Variants in DROSHA observed in about 807,000 individuals in gnomAD.
DROSHA encodes ribonuclease 3.
Under a neutral mutation model 181.9 loss-of-function variants are expected in DROSHA, and 56 were observed. The ratio of observed to expected loss-of-function variants is 0.31; its 90% CI spans 0.25 to 0.38. The LOEUF (loss-of-function observed/expected upper bound fraction) is 0.38, where lower values mean the gene tolerates loss of function less well. Among genes scored for constraint, DROSHA ranks in the 10% least tolerant of loss-of-function variants. The pLI is 1.00. For missense variants in DROSHA, 1,218 were observed against 1,743.5 expected (o/e 0.70, Z 5.37); for synonymous variants, 524 against 591.2 (o/e 0.89, Z 1.65).
At chr5:31,446,981 A>G (rs1746389783) in intron 23 of DROSHA, among the ~76,000 whole-genome samples, 1 of 152,208 alleles carries the variant, frequency 6.6e-6, no homozygotes, top group South Asian at 2.1e-4. Flanking sequence ...CGGAGGTTGC[A>G]GTGAGCTGAG....
At position 31,405,668 on chromosome 5, in the gene DROSHA, C is replaced by A; in HGVS notation, c.3994+9G>T. 1 of 1,549,378 alleles carries A rather than the reference C, an allele frequency of 6.5e-7. No homozygotes were observed. Among genetic ancestry groups the A allele is most frequent in the South Asian group, 1.2e-5 (1 of 81,292 alleles). ...ATGAACATAATTATAGAAAAAAAAA[C>A]AGGCTTACATTTTTCAAGCGCATCC... On this transcript the variant is annotated intron_variant, in intron 35 of 35. Transcript: ENST00000344624.
intron 5 of DROSHA, among the ~76,000 whole-genome samples, chr5:31,523,932 G>A (rs904274454): frequency 3.1e-4 from 43 of 139,866 alleles, no homozygotes; most frequent in Non-Finnish European, 5.2e-4. Context: ...CCGAGATCGC[G>A]CCATCACACT....
In DROSHA at chr5:31,472,066, C is replaced by T. The variant is rs780840530; in HGVS notation, c.2238G>A (p.Gly746=). Reference sequence around the variant, plus strand: ...ATATACAGACACCAGAACATACCGTCCCAGGGTTGGTAACAATCATGCCTT... The same window carrying T: ...ATATACAGACACCAGAACATACCGTTCCAGGGTTGGTAACAATCATGCCTT... The part of the protein sequence containing the change: ...ECKGMIVTNP[G]TKPSSVRIDQ... Residue 746 remains glycine, a synonymous_variant, in exon 17 of 36, where the codon GGG becomes GGA. Coordinates refer to ENST00000344624, the MANE Select transcript of DROSHA (RefSeq NM_001382508.1). The T allele has an allele frequency of 3.7e-6, 6 of 1,613,554 alleles. No homozygotes were observed. The Admixed American group carries it at 8.3e-5, about 22-fold the overall frequency.
intron 25 of DROSHA, among the ~76,000 whole-genome samples, chr5:31,432,373 C>T (rs1358522980): frequency 2.0e-5 from 3 of 152,170 alleles, no homozygotes; most frequent in African/African-American, 7.2e-5. Context: ...CTTAGGTGAT[C>T]CAGCCACCTC....
At chr5:31,516,909 A>G (rs536971940) in intron 6 of DROSHA, among the ~76,000 whole-genome samples, 7 of 152,148 alleles carry the variant, frequency 4.6e-5, no homozygotes, top group Non-Finnish European at 7.4e-5. Flanking sequence ...TCATGAACAC[A>G]TTTGTGTTCT....
chr5:31,407,909 G>C (rs1433078282), intron 33 of DROSHA, among the ~76,000 whole-genome samples: 1 of 152,106 alleles, frequency 6.6e-6, no homozygotes, highest in African/African-American at 2.4e-5. Flanking sequence ...ATAGAATACA[G>C]TTTGGATATT....
At position 31,422,900 on chromosome 5, in the gene DROSHA, T is replaced by C. The variant is rs2287584; in HGVS notation, c.3306A>G (p.Pro1102=). Residue 1102 remains proline (P), a synonymous_variant, in exon 29 of 36, where the codon CCA becomes CCG. Transcript: ENST00000344624. ...CAAACTCAGTAAGTTTTTGTAGAAC[T>C]GGAGAAGTTTCAATAAGTTGTCGAT... ...NTDRQLIETS[P]VLQKLTEFEE... The C allele has an allele frequency of 0.26, 418,156 of 1,610,786 alleles. 64,261 individuals carry two copies. The highest frequency in any genetic ancestry group is 0.7 in the East Asian group (31,508 of 44,784).
In DROSHA at chr5:31,498,192, C is replaced by A. The variant is rs552581741; in HGVS notation, c.1669-2820G>T. Among the ~76,000 whole-genome samples the A allele has an allele frequency of 9.5e-4, 142 of 150,228 alleles. No individual in the cohort carries two copies. In the Middle Eastern group the frequency reaches 0.01, roughly 11 times the overall value. On this transcript the variant is annotated intron_variant, in intron 11 of 35. Coordinates refer to ENST00000344624, the MANE Select transcript of DROSHA (RefSeq NM_001382508.1). ...ACACAGGCTGACACGGACAACACTG[C>A]TGACATGGAGTATCAGCCCTGTGAG...
At chr5:31,501,843 G>A (rs1323069403) in intron 11 of DROSHA, among the ~76,000 whole-genome samples, 4 of 152,174 alleles carry the variant, frequency 2.6e-5, no homozygotes, top group Non-Finnish European at 5.9e-5. Flanking sequence ...AAGAGCTCCC[G>A]ACGGTCGGGG....
At chr5:31,482,115 GCA>G (rs1182661830) in intron 16 of DROSHA, among the ~76,000 whole-genome samples, 1 of 152,226 alleles carries the variant, frequency 6.6e-6, no homozygotes, top group Non-Finnish European at 1.5e-5. Context: ...AAGGAGGACA[GCA>G]CAAACACAGC....
chr5:31,418,199 T>C (rs1417461738), intron 30 of DROSHA, among the ~76,000 whole-genome samples: 1 of 151,898 alleles, frequency 6.6e-6, no homozygotes, highest in Non-Finnish European at 1.5e-5. Context: ...TCAATCACAC[T>C]GTAACTCTAT....
chr5:31,485,218 T>A (rs1489680782), intron 14 of DROSHA, among the ~76,000 whole-genome samples: 1 of 152,078 alleles, frequency 6.6e-6, no homozygotes, highest in East Asian at 1.9e-4. Flanking sequence ...AAAAGTAAAG[T>A]CTCACTTATA....
chr5:31,483,508 T>G (rs1751288047), intron 16 of DROSHA, 46 bp downstream of exon 16: 7 of 1,586,278 alleles, frequency 4.4e-6, no homozygotes, highest in Non-Finnish European at 5.2e-6. Context: ...AAGCTTATTT[T>G]CAGATGCACT....
rs1343119611 is a variant in DROSHA, at chr5:31,526,750, G to T, written c.183C>A (p.Thr61=). 4 of 1,589,786 alleles carry T rather than the reference G, an allele frequency of 2.5e-6. No individual in the cohort carries two copies. In the Admixed American group the frequency reaches 7.3e-5, roughly 29 times the overall value. Residue 61 remains threonine, a synonymous_variant, in exon 5 of 36, where the codon ACC becomes ACA. Transcript: ENST00000344624. ...TGGGGGCTGGAGAGTTTGAGAAAGT[G>T]GTGGAAGGGGCACTTGGAGGTTCAT... ...YQYEPPSAPS[T]TFSNSPAPNF...
In DROSHA at chr5:31,514,571, G is replaced by C. The variant is rs1580357469; in HGVS notation, c.1290+417C>G. Among the ~76,000 whole-genome samples, 1 of 152,164 alleles carries C rather than the reference G, an allele frequency of 6.6e-6. No individual in the cohort carries two copies. The highest frequency in any genetic ancestry group is 6.5e-5 in the Admixed American group (1 of 15,290). On this transcript the variant is annotated intron_variant, in intron 8 of 35. Coordinates refer to ENST00000344624, the MANE Select transcript of DROSHA (RefSeq NM_001382508.1). This position sits in a 1 kb window ranked among gnomAD's most constrained non-coding sequence, Gnocchi z 4.4. ...GAAGTGGGAGAATCACTTGAGCCTG[G>C]AAGATCAAGGCTGCAGTGAGCCACG...
At chr5:31,463,834 C>A (rs1256355014) in intron 20 of DROSHA, among the ~76,000 whole-genome samples, 1 of 152,146 alleles carries the variant, frequency 6.6e-6, no homozygotes, top group Non-Finnish European at 1.5e-5. Flanking sequence ...AAATTTGAGT[C>A]ATCAGTCTAG....
intron 11 of DROSHA, among the ~76,000 whole-genome samples, chr5:31,502,180 C>T (rs1580319696): frequency 6.6e-6 from 1 of 152,346 alleles, no homozygotes; most frequent in East Asian, 1.9e-4. Flanking sequence ...GCACAAACAG[C>T]ATCAACAGCT....
At chr5:31,507,983 T>G (rs536327031) in intron 10 of DROSHA, among the ~76,000 whole-genome samples, 1 of 152,318 alleles carries the variant, frequency 6.6e-6, no homozygotes, top group Non-Finnish European at 1.5e-5. Context: ...GTTATAAATT[T>G]ACTCACAAAA....
At chr5:31,421,405 A>C (rs1310433948) in intron 29 of DROSHA, 28 bp from the exon 30 acceptor site, 1 of 1,552,616 alleles carries the variant, frequency 6.4e-7, no homozygotes, top group Non-Finnish European at 8.9e-7. Flanking sequence ...AAAGTAAAGA[A>C]ATCAATAACC....
Sources: allele counts gnomAD v4.1 joint callset (sites outside exome capture counted in the v4.1 genomes callset), GRCh38; gene constraint gnomAD v4.1.1; non-coding constraint Gnocchi (gnomAD v3.1); transcripts MANE v1.5; gene names NCBI Gene and HGNC (gene_info 2026-07-23, HGNC 2026-07-21).